The following NCKAP5L variants were observed in gnomAD, a reference collection of about 807,000 sequenced individuals.
NCKAP5L encodes NCK associated protein 5 like.
A neutral mutation model predicts 103.2 loss-of-function variants in NCKAP5L; 54 were observed. The observed-to-expected ratio is 0.52, with a 90% confidence interval of 0.42 to 0.66. The LOEUF (loss-of-function observed/expected upper bound fraction) is 0.66, where lower values mean the gene tolerates loss of function less well. Among genes scored for constraint, NCKAP5L ranks in the 30% least tolerant of loss-of-function variants. The pLI is 0.00. For synonymous variants in NCKAP5L, 762 were observed against 748.6 expected (o/e 1.02, Z -0.29); for missense variants, 1,733 against 1,750.6 (o/e 0.99, Z 0.18).
At chr12:49,801,421 ACTGT>A (rs1224876032) in intron 6 of NCKAP5L, among the ~76,000 whole-genome samples, 3 of 152,156 alleles carry the variant, frequency 2.0e-5, no homozygotes, top group Admixed American at 1.3e-4. Flanking sequence ...CCCAGCAGAG[ACTGT>A]CTGTGAACAG....
At chr12:49,802,878 G>T in intron 5 of NCKAP5L, 80 bp downstream of exon 5, 1 of 1,481,374 alleles carries the variant, frequency 6.8e-7, no homozygotes, top group Non-Finnish European at 9.2e-7. Context: ...AACAGCCCAT[G>T]TCCTCCAAGC....
At chr12:49,822,617 G>A (rs1946373607) in intron 1 of NCKAP5L, among the ~76,000 whole-genome samples, 1 of 147,936 alleles carries the variant, frequency 6.8e-6, no homozygotes, top group African/African-American at 2.5e-5. Flanking sequence ...CTCAATCTCT[G>A]CTCACTGCAA....
At position 49,794,901 on chromosome 12, in the gene NCKAP5L, C is replaced by A. The variant is rs1302694555; in HGVS notation, c.2959G>T (p.Ala987Ser). 6.5e-7 allele frequency: 1 copy of A among 1,528,958 alleles called. No homozygotes were observed. The highest frequency in any genetic ancestry group is 8.8e-7 in the Non-Finnish European group (1 of 1,138,142). 94.7% of individuals were successfully genotyped at this position (1,528,958 alleles called of 1,614,324 possible). Residue 987 changes from alanine to serine, a missense_variant, in exon 8 of 13, where the codon GCC becomes TCC. By Grantham distance (99) the Ala-to-Ser change is moderately conservative. Coordinates refer to ENST00000335999, the MANE Select transcript of NCKAP5L (RefSeq NM_001037806.4). ...DLRRALEEEK[A>S]YLSSRARPRP... is the part of the protein sequence containing the mutation. ...GGCCGGGCCCGGCTGCTTAGGTAGG[C>A]CTTCTCCTCTTCCAGTGCCCGACGC...
Position 49,801,915 on chromosome 12 carries a change from C to A in NCKAP5L, c.284G>T (p.Arg95Leu), listed in dbSNP as rs374734587. ...CAGGGCACTCAGCATCTGGTTCTGC[C>A]GTTCCAGGTCAAACACTCTCTTCTT... ...KLKKRVFDLE[R>L]QNQMLSALFQ... The change falls in exon 6 of 13, where the codon CGG (arginine) becomes CTG (leucine). Residue 95 changes from arginine to leucine, a missense_variant. Coordinates refer to ENST00000335999, the MANE Select transcript of NCKAP5L (RefSeq NM_001037806.4). 6.2e-7 allele frequency: 1 copy of A among 1,613,938 alleles called. No individual in the cohort carries two copies. Among genetic ancestry groups the A allele is most frequent in the Admixed American group, 1.7e-5 (1 of 60,010 alleles).
Position 49,796,395 on chromosome 12 carries a change from G to A in NCKAP5L, c.1465C>T (p.Arg489Trp), listed in dbSNP as rs753791321. Residue 489 changes from arginine (R) to tryptophan (W), a missense_variant, in exon 8 of 13, where the codon CGG (arginine) becomes TGG (tryptophan). Transcript: ENST00000335999. ...QLPRNSRIPC[R>W]NSGSDGSPSP... ...GGGCTGCCGTCTGAGCCACTGTTCC[G>A]ACAGGGGATTCGCGAGTTCCGGGGG... 12 of 1,579,564 alleles carry A rather than the reference G, an allele frequency of 7.6e-6. No individual in the cohort carries two copies. The South Asian group carries it at 8.2e-5, about 11-fold the overall frequency.
In NCKAP5L at chr12:49,792,780, T is replaced by G. The variant is rs570877665; in HGVS notation, c.3547A>C (p.Ile1183Leu). Residue 1183 changes from isoleucine (I) to leucine (L), a missense_variant, in exon 11 of 13, where the codon ATA (isoleucine) becomes CTA (leucine). Coordinates refer to ENST00000335999, the MANE Select transcript of NCKAP5L (RefSeq NM_001037806.4). The surrounding 1 kb of genome is among the most constrained non-coding windows in gnomAD (Gnocchi z 4.5). Reference protein sequence around the residue: ...AHTLEREVPGIEELLVSGRHP... With the variant: ...AHTLEREVPGLEELLVSGRHP... ...CGCCCACTCACCAGCAGCTCCTCTA[T>G]GCCTGGCACCTCCCGCTCCAGTGTG... 6.3e-7 allele frequency: 1 copy of G among 1,586,364 alleles called. No homozygotes were observed. Among genetic ancestry groups the G allele is most frequent in the African/African-American group, 1.4e-5 (1 of 73,762 alleles).
chr12:49,826,391 G>A (rs1045747717), intron 1 of NCKAP5L, among the ~76,000 whole-genome samples: 1 of 152,200 alleles, frequency 6.6e-6, no homozygotes, highest in Non-Finnish European at 1.5e-5. Flanking sequence ...CCAAACCCAA[G>A]CCAGCAGGAG....
At position 49,795,237 on chromosome 12, in the gene NCKAP5L, C is replaced by T. The variant is rs752503296; in HGVS notation, c.2623G>A (p.Glu875Lys). ...PGPTDPSQGP[E>K]GLAPHSAIEE... is the part of the protein sequence containing the mutation. ...ATGGCTGAGTGTGGGGCCAGCCCCTCAGGGCCCTGACTTGGGTCAGTGGGG... is the reference window on the plus strand; with the variant it reads ...ATGGCTGAGTGTGGGGCCAGCCCCTTAGGGCCCTGACTTGGGTCAGTGGGG... The change falls in exon 8 of 13, where the codon GAG (glutamate) becomes AAG (lysine). Residue 875 changes from glutamate to lysine, a missense_variant. Glu to Lys is a moderately conservative substitution (Grantham distance 56). Transcript: ENST00000335999. 1.3e-6 allele frequency: 2 copies of T among 1,556,370 alleles called. No individual in the cohort carries two copies. The highest frequency in any genetic ancestry group is 1.9e-5 in the Admixed American group (1 of 51,530).
chr12:49,803,227 G>A, intron 3 of NCKAP5L, 62 bp from the exon 4 acceptor site: 1 of 1,555,438 alleles, frequency 6.4e-7, no homozygotes, highest in Non-Finnish European at 8.8e-7. Context: ...TTCCCCCAGG[G>A]CACATTCCTT....
At chr12:49,807,247 G>T (rs1023935987) in intron 1 of NCKAP5L, among the ~76,000 whole-genome samples, 6 of 76,006 alleles carry the variant, frequency 7.9e-5, no homozygotes, top group Non-Finnish European at 1.1e-4. Context: ...ATGCTTCTTC[G>T]TGTGTGTGTG....
intron 2 of NCKAP5L, 189 bp from the exon 3 acceptor site, chr12:49,804,269 C>G (rs1463050082): frequency 2.3e-6 from 1 of 434,926 alleles, no homozygotes; most frequent in Admixed American, 4.1e-5. Context: ...AGAACAGAGA[C>G]CATTGTTTTA....
Position 49,796,224 on chromosome 12 carries a change from G to T in NCKAP5L, c.1636C>A (p.Leu546Met). The T allele has an allele frequency of 6.3e-7, 1 of 1,585,826 alleles. No homozygotes were observed. Among genetic ancestry groups the T allele is most frequent in the Non-Finnish European group, 8.6e-7 (1 of 1,166,870 alleles). The change falls in exon 8 of 13, where the codon CTG (leucine) becomes ATG (methionine). Residue 546 changes from leucine to methionine, a missense_variant. Leu to Met is a conservative substitution (Grantham distance 15). Transcript: ENST00000335999. ...RPPQSALSTTLSPGPVVSPCY... is the reference protein window; with the variant it reads ...RPPQSALSTTMSPGPVVSPCY... ...GGAGACACCACTGGGCCTGGGGACA[G>T]CGTGGTGGACAAGGCTGACTGCGGG...
chr12:49,802,378 A>G (rs1946129900), intron 5 of NCKAP5L: 1 of 171,630 alleles, frequency 5.8e-6, no homozygotes, highest in Non-Finnish European at 1.2e-5. Flanking sequence ...CCTTCCTAGT[A>G]GCTGGGACTA....
intron 9 of NCKAP5L, 76 bp from the exon 10 acceptor site, chr12:49,793,509 A>C (rs1222930219): frequency 1.4e-6 from 2 of 1,466,920 alleles, no homozygotes; most frequent in East Asian, 2.3e-5. Context: ...AGAGGGTGGG[A>C]ATGTGTCTGT....
intron 1 of NCKAP5L, among the ~76,000 whole-genome samples, chr12:49,809,718 G>C (rs1309909952): frequency 1.3e-5 from 2 of 152,172 alleles, no homozygotes; most frequent in Non-Finnish European, 2.9e-5. Context: ...GGAGTGTGGG[G>C]AGGGATAGGA....
rs1291166281 is a variant in NCKAP5L at position 49,792,370 on chromosome 12, A to C, written c.3792+76T>G. 1 of 1,579,222 alleles carries C rather than the reference A, an allele frequency of 6.3e-7. No individual in the cohort carries two copies. The highest frequency in any genetic ancestry group is 1.8e-5 in the Admixed American group (1 of 54,316). ...CTGTGCGACACACAGGCCGTACCTT[A>C]CTGGAGAAACTGGTCTCCCCACATC... is the stretch of plus-strand genomic sequence containing the variant. On this transcript the variant is annotated intron_variant, in intron 12 of 12. Coordinates refer to ENST00000335999, the MANE Select transcript of NCKAP5L (RefSeq NM_001037806.4). This position sits in a 1 kb window ranked among gnomAD's most constrained non-coding sequence, Gnocchi z 4.5.
At chr12:49,813,908 T>C (rs1946268674) in intron 1 of NCKAP5L, among the ~76,000 whole-genome samples, 1 of 152,062 alleles carries the variant, frequency 6.6e-6, no homozygotes, top group African/African-American at 2.4e-5. Flanking sequence ...TTACTGTAAC[T>C]TCAGACTCCT....
At chr12:49,817,072 T>C (rs563079653) in intron 1 of NCKAP5L, among the ~76,000 whole-genome samples, 26 of 152,144 alleles carry the variant, frequency 1.7e-4, no homozygotes, top group African/African-American at 6.3e-4. Context: ...TACAAAATAG[T>C]AAAATATTGG....
At chr12:49,821,259 AC>A (rs1369768003) in intron 1 of NCKAP5L, among the ~76,000 whole-genome samples, 30 of 151,196 alleles carry the variant, frequency 2.0e-4, no homozygotes, top group Admixed American at 1.5e-3. Flanking sequence ...CCCCATCCCC[AC>A]CCCCCAACTT....
Sources: allele counts gnomAD v4.1 joint callset (sites outside exome capture counted in the v4.1 genomes callset), GRCh38; gene constraint gnomAD v4.1.1; non-coding constraint Gnocchi (gnomAD v3.1); transcripts MANE v1.5; gene names NCBI Gene and HGNC (gene_info 2026-07-23, HGNC 2026-07-21).